The following SEMA4D variants were observed in gnomAD, a reference collection of about 807,000 sequenced individuals.
The protein encoded by SEMA4D is semaphorin-4D.
SEMA4D carries 22 observed loss-of-function variants against 74.8 expected under a neutral mutation model. The ratio of observed to expected loss-of-function variants is 0.29; its 90% CI spans 0.21 to 0.42. The LOEUF (loss-of-function observed/expected upper bound fraction) is 0.42. SEMA4D is among the 10% of genes least tolerant of loss of function. The pLI is 1.00. For synonymous variants in SEMA4D, 445 were observed against 463.7 expected (o/e 0.96, Z 0.52); for missense variants, 937 against 1,118.4 (o/e 0.84, Z 2.31).
At chr9:89,368,915 G>T (rs1314075627) in intron 16 of SEMA4D, 1 of 152,280 alleles carries the variant, frequency 6.6e-6, no homozygotes, top group African/African-American at 2.4e-5. Context: ...CTGTGGGAAG[G>T]CACCACTGAG....
chr9:89,458,490 C>G (rs1315704327), intron 1 of SEMA4D, among the ~76,000 whole-genome samples: 2 of 151,126 alleles, frequency 1.3e-5, no homozygotes, highest in African/African-American at 4.8e-5. Context: ...CTGCCACACA[C>G]ATGCCACACA....
chr9:89,420,362 A>G (rs4877086), intron 2 of SEMA4D, among the ~76,000 whole-genome samples: 149,649 of 152,360 alleles, frequency 0.98, 73,602 homozygotes, highest in Non-Finnish European at 1. Context: ...ATTACTCATC[A>G]TGCTGTTTTA....
intron 2 of SEMA4D, among the ~76,000 whole-genome samples, chr9:89,431,217 TC>T (rs1849211869): frequency 6.6e-6 from 1 of 152,124 alleles, no homozygotes; most frequent in Non-Finnish European, 1.5e-5. Flanking sequence ...ACTGGCACGT[TC>T]CAAGCTCACT....
In SEMA4D at chr9:89,492,773, C is replaced by T. The variant is rs1049711467; in HGVS notation, c.-310+5146G>A. On this transcript the variant is annotated intron_variant, in intron 1 of 15. Transcript: ENST00000422704. This position sits in a 1 kb window ranked among gnomAD's most constrained non-coding sequence, Gnocchi z 4.3. ...ACACCTGCAATCAGCCTGCCTCCCACCCGAGGAGACTGCCCGAGCTCCTGC... is the reference window on the plus strand; with the variant it reads ...ACACCTGCAATCAGCCTGCCTCCCATCCGAGGAGACTGCCCGAGCTCCTGC... Among the ~76,000 whole-genome samples, 10 of 152,172 alleles carry T rather than the reference C, an allele frequency of 6.6e-5. No individual in the cohort carries two copies. Among genetic ancestry groups the T allele is most frequent in the Non-Finnish European group, 1.2e-4 (8 of 68,028 alleles).
In SEMA4D at chr9:89,381,905, A is replaced by T. The variant is rs1837182549; in HGVS notation, c.1447-559T>A. The T allele has an allele frequency of 3.3e-5, 5 of 152,626 alleles. No individual in the cohort carries two copies. 9.5% of individuals were successfully genotyped at this position (152,626 alleles called of 1,614,324 possible). Reference sequence around the variant, plus strand: ...GGGATGCCAAACGGACGACATGCAAAGGATGAGGAGATCGTGATACAAAAC... The same window carrying T: ...GGGATGCCAAACGGACGACATGCAATGGATGAGGAGATCGTGATACAAAAC... On this transcript the variant is annotated intron_variant, in intron 13 of 15. Transcript: ENST00000422704. The surrounding 1 kb of genome is among the most constrained non-coding windows in gnomAD (Gnocchi z 4.6).
chr9:89,494,256 A>G (rs35958491), intron 1 of SEMA4D, among the ~76,000 whole-genome samples: 29,577 of 152,200 alleles, frequency 0.19, 3,601 homozygotes, highest in South Asian at 0.28. Flanking sequence ...ATAAGTACAA[A>G]AAGAAGACAA....
intron 4 of SEMA4D, among the ~76,000 whole-genome samples, chr9:89,401,222 AT>A (rs34074489): frequency 2.0e-4 from 30 of 151,870 alleles, no homozygotes; most frequent in Non-Finnish European, 3.7e-4. Context: ...ACACCTGGCT[AT>A]TTTTTGCAGT....
At chr9:89,462,453 G>GCAAC (rs1329905450) in intron 1 of SEMA4D, among the ~76,000 whole-genome samples, 1 of 152,188 alleles carries the variant, frequency 6.6e-6, no homozygotes, top group Non-Finnish European at 1.5e-5. Flanking sequence ...GCAACGGCAG[G>GCAAC]CAACCGGCTG....
chr9:89,497,720 GCC>G (rs1483729329), intron 1 of SEMA4D, among the ~76,000 whole-genome samples, 197 bp downstream of exon 1: 2 of 151,380 alleles, frequency 1.3e-5, no homozygotes, highest in East Asian at 3.9e-4. Context: ...CCCAGGAGGG[GCC>G]CCGGGGGGAT....
intron 2 of SEMA4D, among the ~76,000 whole-genome samples, chr9:89,445,886 C>T (rs994227655): frequency 2.0e-5 from 3 of 152,096 alleles, no homozygotes; most frequent in African/African-American, 7.2e-5. Flanking sequence ...CCTCTGCGTC[C>T]ACCTCAGAGG....
chr9:89,377,221 A>G (rs1393805528), downstream of SEMA4D: 7 of 944,516 alleles, frequency 7.4e-6, no homozygotes, highest in Non-Finnish European at 1.0e-5. Context: ...CCGCTAAGGA[A>G]TGTCTTCCCC....
chr9:89,447,526 A>G (rs1372200520), intron 2 of SEMA4D, among the ~76,000 whole-genome samples: 1 of 151,838 alleles, frequency 6.6e-6, no homozygotes, highest in Non-Finnish European at 1.5e-5. Context: ...CCCACCCCAG[A>G]TCCAAGCTGG....
chr9:89,457,243 G>C (rs933428752), intron 1 of SEMA4D, among the ~76,000 whole-genome samples: 2 of 148,108 alleles, frequency 1.4e-5, no homozygotes, highest in East Asian at 2.0e-4. Flanking sequence ...GCGCCTGACA[G>C]GTGGGGAGCA....
intron 11 of SEMA4D, among the ~76,000 whole-genome samples, chr9:89,388,110 G>C (rs1353943215): frequency 6.6e-6 from 1 of 152,246 alleles, no homozygotes; most frequent in African/African-American, 2.4e-5. Flanking sequence ...GTCAGGGACA[G>C]CTGCCCTTGG....
chr9:89,370,928 G>C (rs929406219), intron 16 of SEMA4D, among the ~76,000 whole-genome samples: 1 of 137,264 alleles, frequency 7.3e-6, no homozygotes, highest in Non-Finnish European at 1.5e-5. Flanking sequence ...TGTTGGGGGG[G>C]TGTTGTGTGT....
At chr9:89,456,493 C>T (rs890260812) in intron 1 of SEMA4D, among the ~76,000 whole-genome samples, 1 of 152,184 alleles carries the variant, frequency 6.6e-6, no homozygotes, top group Non-Finnish European at 1.5e-5. Context: ...AAATTAATTA[C>T]ATACTCAAAA....
chr9:89,388,550 C>CAT, intron 11 of SEMA4D, 86 bp downstream of exon 11: 1 of 1,495,428 alleles, frequency 6.7e-7, no homozygotes, highest in Non-Finnish European at 8.9e-7. Flanking sequence ...GTACCCAGCC[C>CAT]ATGAGCAGGC....
At chr9:89,488,632 C>A (rs1227586538) in intron 1 of SEMA4D, among the ~76,000 whole-genome samples, 2 of 152,086 alleles carry the variant, frequency 1.3e-5, no homozygotes, top group African/African-American at 2.4e-5. Context: ...CTCAGCCTCC[C>A]GAACTGTTGG....
At chr9:89,496,336 TTTTGCCTG>T (rs1226433350) in intron 1 of SEMA4D, among the ~76,000 whole-genome samples, 1 of 152,142 alleles carries the variant, frequency 6.6e-6, no homozygotes. Context: ...CACGGTGGCC[TTTTGCCTG>T]TCTGCACTCT....
Sources: gnomAD v4.1 joint callset for allele counts (sites outside exome capture counted in the v4.1 genomes callset) on GRCh38, gnomAD v4.1.1 for gene constraint, Gnocchi (gnomAD v3.1) non-coding constraint, MANE v1.5 for transcripts, NCBI Gene and HGNC (gene_info 2026-07-23, HGNC 2026-07-21) for gene names.